The following TIAM1 variants were observed in gnomAD, a reference collection of about 807,000 sequenced individuals.
TIAM1 encodes the protein rho guanine nucleotide exchange factor TIAM1.
TIAM1 carries 65 observed loss-of-function variants against 163.5 expected under a neutral mutation model. That is an observed-to-expected ratio of 0.40 (90% CI 0.33 to 0.49). The LOEUF (loss-of-function observed/expected upper bound fraction) is 0.49. Among genes scored for constraint, TIAM1 ranks in the 20% least tolerant of loss-of-function variants. TIAM1 has a pLI of 0.77. For missense variants in TIAM1, 1,789 were observed against 2,044.7 expected, an observed-to-expected ratio of 0.87 and a Z score of 2.41; for synonymous variants, 833 against 810.1, an observed-to-expected ratio of 1.03 and a Z score of -0.48.
rs551767942 is a variant in TIAM1, at chr21:31,233,787, G to A, written c.1585-7837C>T. ...ATGGATCCCTCTCACCCTCACCCAC[G>A]CCGGGTTCATTCTTTGGAGAAGAAA... On this transcript the variant is annotated intron_variant, in intron 6 of 27. Coordinates refer to ENST00000541036, the MANE Select transcript of TIAM1 (RefSeq NM_001353694.2). Among the ~76,000 whole-genome samples the A allele has an allele frequency of 6.4e-4, 98 of 152,222 alleles. 1 individual carries two copies. Among genetic ancestry groups the A allele is most frequent in the Admixed American group, 2.9e-3 (45 of 15,284 alleles).
rs185165977 is a variant in TIAM1, at chr21:31,530,678, C to A, written c.-422+28249G>T. On this transcript the variant is annotated intron_variant, in intron 1 of 28. Transcript: ENST00000286827. Reference sequence around the variant, plus strand: ...GAAGCAAGGCGCCTTCTGATCCACACTGAGCCATCAGCTGTCCCCACCAGC... The same window carrying A: ...GAAGCAAGGCGCCTTCTGATCCACAATGAGCCATCAGCTGTCCCCACCAGC... 4.1e-4 allele frequency among the ~76,000 whole-genome samples: 63 copies of A among 152,320 alleles called. No individual in the cohort carries two copies. In the East Asian group the frequency reaches 0.011, roughly 27 times the overall value.
chr21:31,154,274 G>T lies in TIAM1; in HGVS notation c.3144C>A (p.Leu1048=), dbSNP rs2083511011. Residue 1048 remains leucine (L), a synonymous_variant, in exon 17 of 28, where the codon CTC becomes CTA. Coordinates refer to ENST00000541036, the MANE Select transcript of TIAM1 (RefSeq NM_001353694.2). ...TCACGTAGGTGCGCTCCGTCTCCAG[G>T]AGCTCGCAGATCACCTTGCGCAGCT... ...ADKLRKVICE[L]LETERTYVKD... 6.2e-7 allele frequency: 1 copy of T among 1,614,040 alleles called. No individual in the cohort carries two copies. The highest frequency in any genetic ancestry group is 8.5e-7 in the Non-Finnish European group (1 of 1,179,998).
intron 2 of TIAM1, among the ~76,000 whole-genome samples, chr21:31,428,663 G>T (rs1483137885): frequency 6.6e-6 from 1 of 152,032 alleles, no homozygotes; most frequent in Non-Finnish European, 1.5e-5. Context: ...CAGGCAAATG[G>T]CTTGAGGCCA....
intron 10 of TIAM1, 25 bp from the exon 11 acceptor site, chr21:31,210,240 G>A: frequency 6.2e-7 from 1 of 1,611,230 alleles, no homozygotes; most frequent in Non-Finnish European, 8.5e-7. Context: ...AAAGTTAGCA[G>A]GGCAGCAGCA....
chr21:31,170,128 A>G (rs1601399161), intron 15 of TIAM1, among the ~76,000 whole-genome samples: 1 of 152,248 alleles, frequency 6.6e-6, no homozygotes, highest in African/African-American at 2.4e-5. Context: ...AGAAAAAAAC[A>G]GTGCAAAACA....
intron 1 of TIAM1, among the ~76,000 whole-genome samples, chr21:31,556,512 G>A (rs2048884495): frequency 6.6e-6 from 1 of 151,428 alleles, no homozygotes; most frequent in Non-Finnish European, 1.5e-5. Context: ...ATTCCAACAG[G>A]CAAAAGGGTG....
chr21:31,162,484 A>C, intron 16 of TIAM1, among the ~76,000 whole-genome samples: 1 of 152,206 alleles, frequency 6.6e-6, no homozygotes, highest in East Asian at 1.9e-4. Flanking sequence ...GAGAAGATGA[A>C]GTCTGAATCA....
chr21:31,420,020 G>A (rs2043511022), intron 2 of TIAM1, among the ~76,000 whole-genome samples: 2 of 152,206 alleles, frequency 1.3e-5, no homozygotes, highest in African/African-American at 2.4e-5. Flanking sequence ...TTGCACTCCA[G>A]CCTGGGCAAC....
intron 1 of TIAM1, among the ~76,000 whole-genome samples, chr21:31,523,620 G>C (rs527872242): frequency 2.0e-5 from 3 of 152,234 alleles, no homozygotes; most frequent in Non-Finnish European, 2.9e-5. Flanking sequence ...CATCAATAAA[G>C]TGGAGATAAT....
intron 4 of TIAM1, among the ~76,000 whole-genome samples, chr21:31,259,379 C>T (rs2072315863): frequency 6.6e-6 from 1 of 152,000 alleles, no homozygotes; most frequent in African/African-American, 2.4e-5. Context: ...TCAAGCGATC[C>T]TCCCACCTCG....
chr21:31,469,314 T>C (rs905187845), intron 1 of TIAM1, among the ~76,000 whole-genome samples: 2 of 151,884 alleles, frequency 1.3e-5, no homozygotes, highest in African/African-American at 2.4e-5. Flanking sequence ...TTGCCCAGGC[T>C]GGTCTCAAAC....
At chr21:31,373,226 G>A (rs2076628747) in intron 2 of TIAM1, among the ~76,000 whole-genome samples, 1 of 152,194 alleles carries the variant, frequency 6.6e-6, no homozygotes, top group African/African-American at 2.4e-5. Context: ...AGAGGCAGAG[G>A]TTGCAGTAAG....
intron 15 of TIAM1, among the ~76,000 whole-genome samples, chr21:31,173,532 AAGAGAG>A (rs57981769): frequency 7.4e-5 from 11 of 148,000 alleles, no homozygotes; most frequent in African/African-American, 2.5e-4. Flanking sequence ...GAGCGAGAGA[AAGAGAG>A]AGAGAGAGAG....
intron 16 of TIAM1, among the ~76,000 whole-genome samples, chr21:31,162,389 C>T (rs570937109): frequency 1.1e-3 from 164 of 152,060 alleles, no homozygotes; most frequent in African/African-American, 3.8e-3. Flanking sequence ...AAGCTTTTTG[C>T]GTTCAAATAC....
intron 2 of TIAM1, among the ~76,000 whole-genome samples, chr21:31,353,216 G>A (rs2076262877): frequency 6.6e-6 from 1 of 152,070 alleles, no homozygotes; most frequent in Admixed American, 6.6e-5. Flanking sequence ...CCTAACAGTG[G>A]GGGAAATGAA....
At chr21:31,384,329 C>A (rs769375826) in intron 2 of TIAM1, among the ~76,000 whole-genome samples, 10 of 145,498 alleles carry the variant, frequency 6.9e-5, no homozygotes, top group Non-Finnish European at 1.2e-4. Flanking sequence ...CCCTGGGAGG[C>A]CAAAGCAGAA....
intron 2 of TIAM1, among the ~76,000 whole-genome samples, chr21:31,404,230 G>A (rs1319253896): frequency 1.3e-5 from 2 of 151,876 alleles, no homozygotes; most frequent in Non-Finnish European, 2.9e-5. Context: ...CTCTGAAAAG[G>A]CAACAAAAAA....
chr21:31,511,699 C>A (rs183352889), intron 1 of TIAM1, among the ~76,000 whole-genome samples: 36 of 152,276 alleles, frequency 2.4e-4, no homozygotes, highest in Admixed American at 2.2e-3. Flanking sequence ...CGGGCCTCCC[C>A]GATCCTGGAC....
chr21:31,222,707 ATTTTTTT>A (rs527864043), intron 8 of TIAM1, among the ~76,000 whole-genome samples: 39 of 32,836 alleles, frequency 1.2e-3, no homozygotes, highest in Admixed American at 2.7e-3. Context: ...ATATATATAT[ATTTTTTT>A]TTTTTTTTTT....
Sources: allele counts gnomAD v4.1 joint callset (sites outside exome capture counted in the v4.1 genomes callset), GRCh38; gene constraint gnomAD v4.1.1; transcripts MANE v1.5; gene names NCBI Gene and HGNC (gene_info 2026-07-23, HGNC 2026-07-21).